The following AFTPH variants were observed in gnomAD, a reference collection of about 807,000 sequenced individuals.
AFTPH encodes aftiphilin protein.
A neutral mutation model predicts 72.5 loss-of-function variants in AFTPH; 7 were observed. That is an observed-to-expected ratio of 0.10 (90% CI 0.05 to 0.18). AFTPH has a LOEUF of 0.18. AFTPH is among the 10% of genes least tolerant of loss of function. The pLI is 1.00. For missense variants in AFTPH, 979 were observed against 1,060.5 expected (o/e 0.92, Z 1.07); for synonymous variants, 337 against 370.1 (o/e 0.91, Z 1.03).
At chr2:64,562,973 G>A (rs1027541743) in intron 2 of AFTPH, among the ~76,000 whole-genome samples, 8 of 152,136 alleles carry the variant, frequency 5.3e-5, no homozygotes, top group Admixed American at 1.3e-4. Flanking sequence ...AAGTCCACAC[G>A]TACTGTAATA....
intron 1 of AFTPH, among the ~76,000 whole-genome samples, chr2:64,543,553 A>C (rs1260053185): frequency 6.6e-6 from 1 of 152,140 alleles, no homozygotes; most frequent in Non-Finnish European, 1.5e-5. Flanking sequence ...TTTCTGTATA[A>C]GATGTTAGAA....
rs778747754 is a variant in AFTPH at position 64,581,279 on chromosome 2, C to T, written c.2455+1733C>T. 4 of 1,583,198 alleles carry T rather than the reference C, an allele frequency of 2.5e-6. No homozygotes were observed. The South Asian group carries it at 4.6e-5, about 18-fold the overall frequency. On this transcript the variant is annotated intron_variant, in intron 7 of 8. Transcript: ENST00000238856. ...CAGCAGCACCACAATCCCAGGTCAG[C>T]AGAGTGTTAAAACCACAATTCCAGT...
chr2:64,572,803 T>A (rs1672522335), intron 5 of AFTPH, 143 bp from the exon 6 acceptor site: 3 of 975,152 alleles, frequency 3.1e-6, no homozygotes, highest in Non-Finnish European at 4.3e-6. Context: ...CCTTGTCTCT[T>A]AAAAAAAAAA....
At chr2:64,547,059 A>G (rs1670683603) in intron 1 of AFTPH, among the ~76,000 whole-genome samples, 1 of 151,896 alleles carries the variant, frequency 6.6e-6, no homozygotes, top group Admixed American at 6.6e-5. Context: ...AAAAAAATAC[A>G]TACATACATA....
chr2:64,550,251 A>G (rs1199103894), intron 1 of AFTPH, among the ~76,000 whole-genome samples: 1 of 152,194 alleles, frequency 6.6e-6, no homozygotes, highest in Non-Finnish European at 1.5e-5. Flanking sequence ...AAAAAGAGTC[A>G]GACCCAGGAG....
exon 3 of AFTPH, chr2:64,567,600 A>T (rs1337772370): frequency 1.2e-6 from 2 of 1,613,256 alleles, no homozygotes; most frequent in East Asian, 4.5e-5. Context: ...TTTTCGAAGC[A>T]TGTTTTCCTT....
At chr2:64,587,488 T>C (rs1558635023) in intron 8 of AFTPH, among the ~76,000 whole-genome samples, 1 of 152,276 alleles carries the variant, frequency 6.6e-6, no homozygotes, top group Non-Finnish European at 1.5e-5. Context: ...TTTAGTATCT[T>C]ATTTTTAGGT....
At chr2:64,567,468 G>A in intron 2 of AFTPH, 94 bp from the exon 3 acceptor site, 1 of 1,302,792 alleles carries the variant, frequency 7.7e-7, no homozygotes, top group Non-Finnish European at 1.1e-6. Context: ...TCACAGTAGT[G>A]GACAGGGTGT....
At chr2:64,562,738 T>G (rs1460393776) in intron 2 of AFTPH, among the ~76,000 whole-genome samples, 1 of 152,214 alleles carries the variant, frequency 6.6e-6, no homozygotes, top group African/African-American at 2.4e-5. Context: ...AAATGAAAAT[T>G]ATGTTACATG....
intron 8 of AFTPH, among the ~76,000 whole-genome samples, chr2:64,586,852 A>T (rs1343104579): frequency 2.0e-5 from 3 of 152,208 alleles, no homozygotes; most frequent in Admixed American, 2.0e-4. Context: ...AAAAAAATGG[A>T]TGAGAAATTT....
chr2:64,562,587 T>C (rs1210151567), intron 2 of AFTPH, among the ~76,000 whole-genome samples: 2 of 152,202 alleles, frequency 1.3e-5, no homozygotes, highest in Non-Finnish European at 2.9e-5. Flanking sequence ...AGTTAACCTC[T>C]TTCTGCTCTG....
chr2:64,563,011 A>G (rs187801828), intron 2 of AFTPH, among the ~76,000 whole-genome samples: 1 of 152,306 alleles, frequency 6.6e-6, no homozygotes, highest in African/African-American at 2.4e-5. Context: ...GTTTGATGCA[A>G]CCTTTTTCTG....
At chr2:64,553,259 A>G (rs368784485) in exon 2 of AFTPH, 102 of 1,613,996 alleles carry the variant, frequency 6.3e-5, no homozygotes, top group Non-Finnish European at 8.1e-5. Flanking sequence ...AGGCTACTGA[A>G]TCTCATCATC....
rs1200180829 is a variant in AFTPH, at chr2:64,533,510, TTAAAA to T, written c.-33+8902_-33+8906del. 2.0e-5 allele frequency among the ~76,000 whole-genome samples: 3 copies of T among 152,254 alleles called. No individual in the cohort carries two copies. The East Asian group carries it at 5.8e-4, about 29-fold the overall frequency. On this transcript the variant is annotated intron_variant, in intron 1 of 8. Transcript: ENST00000238856. ...ATTTGTGATTTTTTAACAAAGCAAC[TTAAAA>T]TAAGAATTACTGAATAATTCTGTAA...
chr2:64,531,131 A>G (rs965195403), intron 1 of AFTPH, among the ~76,000 whole-genome samples: 17 of 151,554 alleles, frequency 1.1e-4, no homozygotes, highest in Non-Finnish European at 2.4e-4. Context: ...GTAGAATGCC[A>G]TTTTCAAGTT....
At chr2:64,580,051 C>T (rs1250085906) in intron 7 of AFTPH, 1 of 152,650 alleles carries the variant, frequency 6.6e-6, no homozygotes, top group African/African-American at 2.4e-5. Flanking sequence ...ATAAATTTCA[C>T]GATCCTTTTC....
At chr2:64,530,558 A>AT (rs1352120442) in intron 1 of AFTPH, among the ~76,000 whole-genome samples, 1 of 152,258 alleles carries the variant, frequency 6.6e-6, no homozygotes. Flanking sequence ...AACACTCAAT[A>AT]AATACATGTT....
chr2:64,581,137 C>T, intron 7 of AFTPH, 53 bp from the exon 8 acceptor site: 2 of 1,374,182 alleles, frequency 1.5e-6, no homozygotes, highest in Admixed American at 4.2e-5. Context: ...ACCCCTCCTC[C>T]CTTGGCTTAC....
intron 2 of AFTPH, among the ~76,000 whole-genome samples, chr2:64,555,466 CAGG>C (rs1247089769): frequency 6.6e-6 from 1 of 151,552 alleles, no homozygotes; most frequent in Non-Finnish European, 1.5e-5. Flanking sequence ...GAGGCTGAGA[CAGG>C]AGAATAACTT....
Sources: gnomAD v4.1 joint callset for allele counts (sites outside exome capture counted in the v4.1 genomes callset) on GRCh38, gnomAD v4.1.1 for gene constraint, MANE v1.5 for transcripts, NCBI Gene and HGNC (gene_info 2026-07-23, HGNC 2026-07-21) for gene names.